SULF2: variants seen among roughly 807,000 people sequenced by gnomAD.
The protein encoded by SULF2 is extracellular sulfatase Sulf-2.
A neutral mutation model predicts 107.7 loss-of-function variants in SULF2; 52 were observed. That is an observed-to-expected ratio of 0.48 (90% CI 0.39 to 0.61). SULF2 has a LOEUF of 0.61. Ranked by LOEUF, SULF2 falls within the 20% of genes least tolerant of loss-of-function variation. The pLI is 0.00. For missense variants in SULF2, 993 were observed against 1,177.3 expected, an observed-to-expected ratio of 0.84 and a Z score of 2.29; for synonymous variants, 460 against 464.3, an observed-to-expected ratio of 0.99 and a Z score of 0.12.
At position 47,658,963 on chromosome 20, in the gene SULF2, T is replaced by C. The variant is rs113028500; in HGVS notation, c.2582+436A>G. ...TAGAATAGAGGTGAACTTTACAGGT[T>C]GCCAGTCTCTTAGTCCCTGTCAGCC... On this transcript the variant is annotated intron_variant, in intron 20 of 20. Transcript: ENST00000688720. 2.6e-3 allele frequency among the ~76,000 whole-genome samples: 394 copies of C among 152,328 alleles called. 3 individuals carry two copies. The highest frequency in any genetic ancestry group is 9.1e-3 in the African/African-American group (378 of 41,572).
At chr20:47,747,881 C>T (rs1260226282) in intron 2 of SULF2, among the ~76,000 whole-genome samples, 6 of 152,200 alleles carry the variant, frequency 3.9e-5, no homozygotes, top group Middle Eastern at 3.4e-3. Context: ...CAAACCCTGC[C>T]GACCTTCCAA....
At position 47,708,162 on chromosome 20, in the gene SULF2, TG is replaced by T. The variant is rs1228055059; in HGVS notation, c.416-5493del. On this transcript the variant is annotated intron_variant, in intron 3 of 20. Transcript: ENST00000688720. ...TGCCCTCGTGCAGTTGATGTTCTAG[TG>T]GGGAATGATGACAAATGCGATGAAG... Among the ~76,000 whole-genome samples the T allele has an allele frequency of 4.6e-5, 7 of 152,048 alleles. No homozygotes were observed. In the South Asian group the frequency reaches 6.2e-4, roughly 14 times the overall value.
At chr20:47,676,737 T>C in intron 9 of SULF2, 114 bp from the exon 10 acceptor site, 1 of 1,353,952 alleles carries the variant, frequency 7.4e-7, no homozygotes, top group Non-Finnish European at 9.9e-7. Context: ...TTCCTCACAG[T>C]GGAGGGCGCA....
At chr20:47,671,331 G>A (rs1482393563) in intron 11 of SULF2, among the ~76,000 whole-genome samples, 5 of 151,922 alleles carry the variant, frequency 3.3e-5, no homozygotes, top group East Asian at 1.9e-4. Flanking sequence ...TTTTGAGACC[G>A]AGTCTCACTC....
Position 47,699,211 on chromosome 20 carries a change from G to A in SULF2, c.567+3308C>T, listed in dbSNP as rs145357204. ...TTCATGTGCCAGACTGTGAGCTCCA[G>A]GAGGACCATGATTGGGTCATCTGTT... is the stretch of plus-strand genomic sequence containing the variant. On this transcript the variant is annotated intron_variant, in intron 4 of 20. Coordinates refer to ENST00000688720, the MANE Select transcript of SULF2 (RefSeq NM_001387048.1). Among the ~76,000 whole-genome samples the A allele has an allele frequency of 3.9e-5, 6 of 152,168 alleles. No individual in the cohort carries two copies. In the East Asian group the frequency reaches 1.2e-3, roughly 29 times the overall value.
chr20:47,672,343 G>A lies in SULF2; in HGVS notation c.1431C>T (p.Cys477=). The part of the protein sequence containing the change: ...DATGKLKLHK[C]KGPMRLGGSR... ...TGCCGCCCAGCCGCATGGGGCCCTT[G>A]CACTTATGCAGCTTCAGCTTCCCCG... Residue 477 remains cysteine (C), a synonymous_variant, in exon 11 of 21, where the codon TGC becomes TGT. Coordinates refer to ENST00000688720, the MANE Select transcript of SULF2 (RefSeq NM_001387048.1). 2 of 1,613,040 alleles carry A rather than the reference G, an allele frequency of 1.2e-6. No homozygotes were observed. Among genetic ancestry groups the A allele is most frequent in the Non-Finnish European group, 8.5e-7 (1 of 1,179,932 alleles).
chr20:47,732,968 C>T (rs750420317), intron 3 of SULF2, among the ~76,000 whole-genome samples: 1 of 152,306 alleles, frequency 6.6e-6, no homozygotes, highest in East Asian at 1.9e-4. Context: ...TATTCATGAA[C>T]AAATTGATAT....
Position 47,717,813 on chromosome 20 carries a change from A to ATTTT in SULF2, c.416-15147_416-15144dup, listed in dbSNP as rs11484145. 1.3e-4 allele frequency among the ~76,000 whole-genome samples: 17 copies of ATTTT among 135,454 alleles called. 1 individual carries two copies. Among genetic ancestry groups the ATTTT allele is most frequent in the South Asian group, 2.4e-4 (1 of 4,172 alleles). 88.9% of individuals were successfully genotyped at this position (135,454 alleles called of 152,430 possible). On this transcript the variant is annotated intron_variant, in intron 3 of 20. Coordinates refer to ENST00000688720, the MANE Select transcript of SULF2 (RefSeq NM_001387048.1). Reference sequence around the variant, plus strand: ...CCAGAAGTGTAGGGTTTCAGAGATAATTTTTTTTTTTTTTTTTTGAGATGG... The same window carrying ATTTT: ...CCAGAAGTGTAGGGTTTCAGAGATAATTTTTTTTTTTTTTTTTTTTTTGAGATGG...
At chr20:47,724,357 G>T (rs911665083) in intron 3 of SULF2, among the ~76,000 whole-genome samples, 1 of 152,200 alleles carries the variant, frequency 6.6e-6, no homozygotes. Context: ...CCTGTCTTCC[G>T]CCTGCCTGTT....
chr20:47,678,782 T>C lies in SULF2; in HGVS notation c.1087A>G (p.Ile363Val), dbSNP rs377480946. ...TCCAGGATGGTGGGGGCCAGGTCAATGTTGAGGACGATGTGGGGATTCCTG... is the reference window on the plus strand; with the variant it reads ...TCCAGGATGGTGGGGGCCAGGTCAACGTTGAGGACGATGTGGGGATTCCTG... Reference protein sequence around the residue: ...GCLNPHIVLNIDLAPTILDIA... With the variant: ...GCLNPHIVLNVDLAPTILDIA... Residue 363 changes from isoleucine to valine, a missense_variant, in exon 8 of 21, where the codon ATT (isoleucine) becomes GTT (valine). Coordinates refer to ENST00000688720, the MANE Select transcript of SULF2 (RefSeq NM_001387048.1). The surrounding 1 kb of genome is among the most constrained non-coding windows in gnomAD (Gnocchi z 4.5). 21 of 1,613,654 alleles carry C rather than the reference T, an allele frequency of 1.3e-5. No individual in the cohort carries two copies. In the African/African-American group the frequency reaches 2.1e-4, roughly 16 times the overall value.
intron 14 of SULF2, 34 bp downstream of exon 14, chr20:47,665,165 G>A: frequency 7.3e-7 from 1 of 1,364,938 alleles, no homozygotes; most frequent in Non-Finnish European, 1.0e-6. Flanking sequence ...TAGGAGAGTG[G>A]GGTCTTAGGG....
intron 5 of SULF2, 101 bp downstream of exon 5, chr20:47,690,025 A>G: frequency 8.8e-7 from 1 of 1,139,112 alleles, no homozygotes; most frequent in Non-Finnish European, 1.1e-6. Flanking sequence ...ATTAGAGAGG[A>G]GGCACAGTGA....
At chr20:47,658,854 T>TG (rs1368043091) in intron 20 of SULF2, among the ~76,000 whole-genome samples, 1 of 152,214 alleles carries the variant, frequency 6.6e-6, no homozygotes, top group Non-Finnish European at 1.5e-5. Context: ...CACACATACT[T>TG]GCATTTTTGG....
intron 2 of SULF2, among the ~76,000 whole-genome samples, chr20:47,742,927 ATTTTTTTT>A (rs397837137): frequency 0.049 from 4,827 of 99,358 alleles, 195 homozygotes; most frequent in Non-Finnish European, 0.059. Context: ...TCAAAACATG[ATTTTTTTT>A]TTTTTTTTTT....
rs148334217 is a variant in SULF2, at chr20:47,710,371, A to G, written c.416-7701T>C. The stretch of plus-strand genomic sequence containing the variant: ...CTGTACTCTATTAACATGTTCACGT[A>G]TGTTTAGATACACAAATACTTCCCA... On this transcript the variant is annotated intron_variant, in intron 3 of 20. Transcript: ENST00000688720. Among the ~76,000 whole-genome samples, 64 of 151,930 alleles carry G rather than the reference A, an allele frequency of 4.2e-4. 1 individual carries two copies. Among genetic ancestry groups the G allele is most frequent in the African/African-American group, 1.5e-3 (63 of 41,192 alleles).
At chr20:47,689,792 A>AC (rs1279425681) in intron 5 of SULF2, 1 of 196,606 alleles carries the variant, frequency 5.1e-6, no homozygotes, top group African/African-American at 2.3e-5. Flanking sequence ...AAAACTATAG[A>AC]CCCCCTCCTC....
chr20:47,697,368 G>A (rs1441061151), intron 4 of SULF2, among the ~76,000 whole-genome samples: 1 of 152,192 alleles, frequency 6.6e-6, no homozygotes, highest in Admixed American at 6.5e-5. Flanking sequence ...GGGGGCTTAC[G>A]AAGGGTTGCC....
chr20:47,684,234 A>ATT (rs1384298975), intron 6 of SULF2, 197 bp downstream of exon 6: 10 of 540,054 alleles, frequency 1.9e-5, no homozygotes, highest in African/African-American at 7.8e-5. Flanking sequence ...ACACAGATCT[A>ATT]GAAAATGTTT....
Position 47,659,439 on chromosome 20 carries a change from G to A in SULF2, c.2542C>T (p.Arg848Ter), listed in dbSNP as rs2086995621. Residue 848 changes from arginine (R) to a stop codon, truncating the protein, a stop_gained, in exon 20 of 21, where the codon CGA (arginine) becomes TGA (stop). Coordinates refer to ENST00000688720, the MANE Select transcript of SULF2 (RefSeq NM_001387048.1). LOFTEE classifies it high-confidence loss of function. The stretch of plus-strand genomic sequence containing the variant: ...GGTCTCTTCATTTCTGGCCACTTTC[G>A]ACGCTGAAACTGCCTAAGTTTTCAA... Reference protein sequence around the residue: ...SYEQYRQFQRRKWPEMKRPSS... With the variant: ...SYEQYRQFQR The A allele has an allele frequency of 3.7e-6, 6 of 1,613,958 alleles. No homozygotes were observed. Among genetic ancestry groups the A allele is most frequent in the Non-Finnish European group, 4.2e-6 (5 of 1,180,022 alleles).
Sources: gnomAD v4.1 joint callset for allele counts (sites outside exome capture counted in the v4.1 genomes callset) on GRCh38, gnomAD v4.1.1 for gene constraint, Gnocchi (gnomAD v3.1) non-coding constraint, MANE v1.5 for transcripts, NCBI Gene and HGNC (gene_info 2026-07-23, HGNC 2026-07-21) for gene names.